The following CNTNAP2 variants were observed in gnomAD, a reference collection of about 807,000 sequenced individuals.
CNTNAP2 encodes the protein contactin-associated protein-like 2.
A neutral mutation model predicts 155.2 loss-of-function variants in CNTNAP2; 98 were observed. The ratio of observed to expected loss-of-function variants is 0.63; its 90% CI spans 0.54 to 0.75. The LOEUF is 0.75. Among genes scored for constraint, CNTNAP2 ranks in the 30% least tolerant of loss-of-function variants. The pLI is 0.00. For synonymous variants in CNTNAP2, 651 were observed against 631.2 expected (o/e 1.03, Z -0.47); for missense variants, 1,727 against 1,688.1 (o/e 1.02, Z -0.40).
At chr7:147,062,916 G>A (rs189549656) in intron 4 of CNTNAP2, among the ~76,000 whole-genome samples, 2 of 152,262 alleles carry the variant, frequency 1.3e-5, no homozygotes, top group East Asian at 3.9e-4. Flanking sequence ...AGAAGGAGTT[G>A]CCTTCAAATC....
At chr7:147,430,602 T>C (rs901917716) in intron 10 of CNTNAP2, among the ~76,000 whole-genome samples, 1 of 152,190 alleles carries the variant, frequency 6.6e-6, no homozygotes, top group African/African-American at 2.4e-5. Context: ...ACCAGTGCTC[T>C]ACATGTGATG....
chr7:146,218,137 C>G (rs1799144115), intron 1 of CNTNAP2, among the ~76,000 whole-genome samples: 1 of 152,148 alleles, frequency 6.6e-6, no homozygotes, highest in South Asian at 2.1e-4. Flanking sequence ...ATCCTGATCC[C>G]CAAACCACGT....
At chr7:146,846,886 G>A (rs1257604917) in intron 3 of CNTNAP2, among the ~76,000 whole-genome samples, 1 of 152,020 alleles carries the variant, frequency 6.6e-6, no homozygotes, top group Non-Finnish European at 1.5e-5. Context: ...TTTCATCTAT[G>A]AGATAAAATA....
chr7:147,148,446 A>C (rs550667489), intron 8 of CNTNAP2, among the ~76,000 whole-genome samples: 4 of 152,148 alleles, frequency 2.6e-5, no homozygotes, highest in Admixed American at 2.6e-4. Context: ...CAGAAAAGAT[A>C]AGAAAAAGTC....
chr7:147,137,153 A>G (rs948465179), intron 8 of CNTNAP2, among the ~76,000 whole-genome samples: 2 of 151,574 alleles, frequency 1.3e-5, no homozygotes, highest in Non-Finnish European at 3.0e-5. Flanking sequence ...ATTGAAAACA[A>G]ACTACTGAAA....
chr7:147,737,819 A>G (rs1796882965), intron 13 of CNTNAP2, among the ~76,000 whole-genome samples: 1 of 152,202 alleles, frequency 6.6e-6, no homozygotes, highest in African/African-American at 2.4e-5. Flanking sequence ...CCTCTGAGCC[A>G]GGTGCGGGAT....
intron 10 of CNTNAP2, among the ~76,000 whole-genome samples, chr7:147,447,010 G>A (rs1797750417): frequency 6.6e-6 from 1 of 152,134 alleles, no homozygotes; most frequent in Admixed American, 6.5e-5. Flanking sequence ...TATTCCAAGT[G>A]CATTAGAATG....
intron 9 of CNTNAP2, among the ~76,000 whole-genome samples, chr7:147,382,199 AGTTT>A (rs753332049): frequency 5.1e-4 from 77 of 152,266 alleles, no homozygotes; most frequent in South Asian, 8.3e-4. Flanking sequence ...AAAATTCCTG[AGTTT>A]GTTTTATTAA....
chr7:147,463,494 T>C (rs569229886), intron 10 of CNTNAP2, among the ~76,000 whole-genome samples: 7 of 152,300 alleles, frequency 4.6e-5, no homozygotes, highest in East Asian at 1.9e-4. Flanking sequence ...TAGAATCTAA[T>C]TGGAGAGAGA....
intron 1 of CNTNAP2, among the ~76,000 whole-genome samples, chr7:146,707,652 C>T (rs1410974345): frequency 1.3e-5 from 2 of 152,122 alleles, no homozygotes; most frequent in East Asian, 3.9e-4. Flanking sequence ...ATTTTTAGTT[C>T]AACATGACCT....
At chr7:147,813,931 T>C (rs1253772598) in intron 13 of CNTNAP2, among the ~76,000 whole-genome samples, 2 of 152,196 alleles carry the variant, frequency 1.3e-5, no homozygotes, top group African/African-American at 4.8e-5. Flanking sequence ...GGCAATATGA[T>C]GGTGCACTGC....
chr7:146,997,905 T>A (rs112745411), intron 3 of CNTNAP2, among the ~76,000 whole-genome samples: 69 of 152,234 alleles, frequency 4.5e-4, no homozygotes, highest in African/African-American at 1.6e-3. Flanking sequence ...TCTGCTTACT[T>A]GTCTCTGAAT....
chr7:146,683,430 TA>T (rs1328330011), intron 1 of CNTNAP2, among the ~76,000 whole-genome samples: 2 of 152,230 alleles, frequency 1.3e-5, no homozygotes, highest in Non-Finnish European at 2.9e-5. Context: ...TTAATCTCTT[TA>T]TAGATTATCT....
At chr7:146,782,037 C>T (rs1393058651) in intron 2 of CNTNAP2, among the ~76,000 whole-genome samples, 3 of 152,142 alleles carry the variant, frequency 2.0e-5, no homozygotes, top group Non-Finnish European at 4.4e-5. Flanking sequence ...AATTAGGAAG[C>T]TTTATTCTTA....
At chr7:146,884,198 C>G (rs1294281801) in intron 3 of CNTNAP2, among the ~76,000 whole-genome samples, 1 of 152,060 alleles carries the variant, frequency 6.6e-6, no homozygotes, top group Non-Finnish European at 1.5e-5. Flanking sequence ...GTTGGTGCTC[C>G]TGATATGTGG....
At chr7:146,924,953 A>T (rs1796576048) in intron 3 of CNTNAP2, among the ~76,000 whole-genome samples, 1 of 152,128 alleles carries the variant, frequency 6.6e-6, no homozygotes, top group South Asian at 2.1e-4. Flanking sequence ...AAAAAAAATT[A>T]AAAATGTATG....
chr7:146,975,141 C>G (rs940735566), intron 3 of CNTNAP2, among the ~76,000 whole-genome samples: 2 of 151,984 alleles, frequency 1.3e-5, no homozygotes, highest in Non-Finnish European at 2.9e-5. Flanking sequence ...CTGAAGGGAG[C>G]ACAAGGAGAG....
intron 10 of CNTNAP2, among the ~76,000 whole-genome samples, chr7:147,478,475 C>A (rs542117024): frequency 6.6e-6 from 1 of 152,082 alleles, no homozygotes; most frequent in African/African-American, 2.4e-5. Context: ...TAATAAAGAC[C>A]CAAAATAACA....
chr7:147,147,918 G>A (rs1801739596), intron 8 of CNTNAP2, among the ~76,000 whole-genome samples: 1 of 152,070 alleles, frequency 6.6e-6, no homozygotes, highest in African/African-American at 2.4e-5. Context: ...TCATCTCTGT[G>A]ATTTTATTCA....
Sources: gnomAD v4.1 joint callset for allele counts (sites outside exome capture counted in the v4.1 genomes callset) on GRCh38, gnomAD v4.1.1 for gene constraint, MANE v1.5 for transcripts, NCBI Gene and HGNC (gene_info 2026-07-23, HGNC 2026-07-21) for gene names.